Variants in PCDHGB3 observed in about 807,000 individuals in gnomAD.
PCDHGB3 encodes the protein protocadherin gamma subfamily B, 3.
In PCDHGB3, 40 loss-of-function variants were observed where a neutral mutation model predicts 59.2. The ratio of observed to expected loss-of-function variants is 0.68; its 90% CI spans 0.52 to 0.88. The LOEUF (loss-of-function observed/expected upper bound fraction) is 0.88, where lower values mean the gene tolerates loss of function less well. Ranked by LOEUF, PCDHGB3 falls within the 40% of genes least tolerant of loss-of-function variation. The pLI is 0.00. For synonymous variants in PCDHGB3, 581 were observed against 503.6 expected (o/e 1.15, Z -2.06); for missense variants, 1,309 against 1,187.9 (o/e 1.10, Z -1.50).
At chr5:141,449,261 G>A (rs148515123) in intron 1 of PCDHGB3, among the ~76,000 whole-genome samples, 101 of 152,156 alleles carry the variant, frequency 6.6e-4, no homozygotes, top group Non-Finnish European at 1.3e-3. Flanking sequence ...ATTGTACAAA[G>A]AACTGTATCT....
intron 1 of PCDHGB3, chr5:141,375,317 C>T: frequency 1.2e-6 from 2 of 1,613,790 alleles, no homozygotes; most frequent in Non-Finnish European, 8.5e-7. Flanking sequence ...AGCTCTAGAC[C>T]GGGAAGAGGT....
chr5:141,395,213 T>C, intron 1 of PCDHGB3: 1 of 1,613,280 alleles, frequency 6.2e-7, no homozygotes, highest in Non-Finnish European at 8.5e-7. Flanking sequence ...TTCATGAATA[T>C]AAGAATGAAG....
chr5:141,374,117 G>C, intron 1 of PCDHGB3: 2 of 1,587,566 alleles, frequency 1.3e-6, no homozygotes, highest in Non-Finnish European at 1.7e-6. Context: ...GCAGCGCAGC[G>C]AGCAGGTCCT....
chr5:141,383,930 C>T lies in PCDHGB3; in HGVS notation c.2415+11121C>T. 7 of 1,613,800 alleles carry T rather than the reference C, an allele frequency of 4.3e-6. No homozygotes were observed. Among genetic ancestry groups the T allele is most frequent in the Non-Finnish European group, 5.9e-6 (7 of 1,179,786 alleles). ...ACAGTTTTAGATGTAAATGATAATG[C>T]TCCAGAAGTGACTATGACGTCTTTA... On this transcript the variant is annotated intron_variant, in intron 1 of 3. Coordinates refer to ENST00000576222, the MANE Select transcript of PCDHGB3 (RefSeq NM_018924.5).
intron 1 of PCDHGB3, chr5:141,410,123 C>A: frequency 1.2e-6 from 2 of 1,612,780 alleles, no homozygotes; most frequent in Non-Finnish European, 1.7e-6. Flanking sequence ...AGCCCGCCAG[C>A]GCCTGCTGGT....
intron 1 of PCDHGB3, chr5:141,383,809 T>A: frequency 6.2e-7 from 1 of 1,613,966 alleles, no homozygotes; most frequent in South Asian, 1.1e-5. Context: ...AATATCAACT[T>A]TAGAAGGATT....
chr5:141,398,165 G>A (rs574512663), intron 1 of PCDHGB3: 4 of 1,479,272 alleles, frequency 2.7e-6, no homozygotes, highest in South Asian at 2.8e-5. Context: ...CGGGCTGAGA[G>A]GCTGCCAGTG....
At position 141,476,356 on chromosome 5, in the gene PCDHGB3, C is replaced by T. The variant is rs757679991; in HGVS notation, c.2416-18451C>T. The stretch of plus-strand genomic sequence containing the variant: ...CTAGCCGAAGATTCTTTGAGGTGAA[C>T]CGGGAGACCGGAGAGATGTTTGTGA... On this transcript the variant is annotated intron_variant, in intron 1 of 3. Coordinates refer to ENST00000576222, the MANE Select transcript of PCDHGB3 (RefSeq NM_018924.5). This position sits in a 1 kb window ranked among gnomAD's most constrained non-coding sequence, Gnocchi z 7.6. 6 of 1,613,958 alleles carry T rather than the reference C, an allele frequency of 3.7e-6. No individual in the cohort carries two copies. The African/African-American group carries it at 4.0e-5, about 11-fold the overall frequency.
In PCDHGB3 at chr5:141,418,490, G is replaced by A. The variant is rs1473964718; in HGVS notation, c.2415+45681G>A. On this transcript the variant is annotated intron_variant, in intron 1 of 3. Coordinates refer to ENST00000576222, the MANE Select transcript of PCDHGB3 (RefSeq NM_018924.5). Reference sequence around the variant, plus strand: ...AGAAACGCAGAGCGCTCACCACTTGGTACTGACCGCCTTAGATGGTGGGGA... The same window carrying A: ...AGAAACGCAGAGCGCTCACCACTTGATACTGACCGCCTTAGATGGTGGGGA... 5.6e-6 allele frequency: 9 copies of A among 1,613,996 alleles called. No homozygotes were observed. In the East Asian group the frequency reaches 1.6e-4, roughly 28 times the overall value.
intron 1 of PCDHGB3, among the ~76,000 whole-genome samples, chr5:141,456,729 C>T (rs1337183677): frequency 6.6e-6 from 1 of 152,158 alleles, no homozygotes; most frequent in Non-Finnish European, 1.5e-5. Context: ...CTTTGGGAGG[C>T]TGAGGCGGGA....
chr5:141,409,004 G>A, intron 1 of PCDHGB3: 3 of 1,614,004 alleles, frequency 1.9e-6, no homozygotes, highest in Non-Finnish European at 1.7e-6. Context: ...GACAGCCACT[G>A]ACCAGGATGA....
chr5:141,427,766 G>A lies in PCDHGB3; in HGVS notation c.2415+54957G>A, dbSNP rs549550151. The A allele has an allele frequency of 1.1e-4, 152 of 1,386,456 alleles. No homozygotes were observed. In the African/African-American group the frequency reaches 1.8e-3, roughly 17 times the overall value. The allele number at this position is 1,386,456 out of a possible 1,614,324, so 85.9% of individuals were successfully genotyped here. ...CCTACTCCATCGTTACCACTGACTT[G>A]GAGCTGCGGGCACTGTCGTCCTACG... On this transcript the variant is annotated intron_variant, in intron 1 of 3. Transcript: ENST00000576222.
At chr5:141,445,612 CT>C (rs996122021) in intron 1 of PCDHGB3, among the ~76,000 whole-genome samples, 1 of 151,994 alleles carries the variant, frequency 6.6e-6, no homozygotes, top group Non-Finnish European at 1.5e-5. Flanking sequence ...GGAAGGCTTT[CT>C]TTTTTTCGGA....
intron 1 of PCDHGB3, chr5:141,388,330 G>A: frequency 6.2e-7 from 1 of 1,613,882 alleles, no homozygotes; most frequent in Non-Finnish European, 8.5e-7. Context: ...GCACAGCCTG[G>A]CACACGATTT....
At chr5:141,505,143 CAG>C (rs1332770308) in intron 2 of PCDHGB3, among the ~76,000 whole-genome samples, 1 of 152,172 alleles carries the variant, frequency 6.6e-6, no homozygotes, top group Non-Finnish European at 1.5e-5. Context: ...GCCTGGATGA[CAG>C]AGTAAGACCC....
chr5:141,438,735 C>T (rs2098057719), intron 1 of PCDHGB3, among the ~76,000 whole-genome samples: 1 of 149,150 alleles, frequency 6.7e-6, no homozygotes, highest in South Asian at 2.1e-4. Context: ...GATCTCAGCT[C>T]ACTGCAACCT....
At chr5:141,384,888 T>C in intron 1 of PCDHGB3, 2 of 1,613,854 alleles carry the variant, frequency 1.2e-6, no homozygotes, top group Non-Finnish European at 1.7e-6. Context: ...TCACCGTGGC[T>C]GTGGCTGACA....
chr5:141,408,617 C>T (rs2095139011), intron 1 of PCDHGB3: 2 of 1,614,004 alleles, frequency 1.2e-6, no homozygotes, highest in African/African-American at 2.7e-5. Flanking sequence ...AAAGGAAATA[C>T]ATTTAGAAAT....
intron 1 of PCDHGB3, chr5:141,478,902 GCTGCTGGATAC>G: frequency 1.0e-6 from 1 of 978,788 alleles, no homozygotes. Context: ...TTAGGAATAA[GCTGCTGGATAC>G]CTCTAACCAG....
Sources: allele counts gnomAD v4.1 joint callset (sites outside exome capture counted in the v4.1 genomes callset), GRCh38; gene constraint gnomAD v4.1.1; non-coding constraint Gnocchi (gnomAD v3.1); transcripts MANE v1.5; gene names NCBI Gene and HGNC (gene_info 2026-07-23, HGNC 2026-07-21).